The following EHBP1 variants were observed in gnomAD, a reference collection of about 807,000 sequenced individuals.
EHBP1 encodes EH domain-binding protein 1.
A neutral mutation model predicts 144.0 loss-of-function variants in EHBP1; 55 were observed. That is an observed-to-expected ratio of 0.38 (90% CI 0.31 to 0.48). The LOEUF is 0.48. Ranked by LOEUF, EHBP1 falls within the 20% of genes least tolerant of loss-of-function variation. The pLI, the probability that EHBP1 is intolerant of heterozygous loss-of-function variation, is 0.98. For synonymous variants in EHBP1, 469 were observed against 472.7 expected (o/e 0.99, Z 0.10); for missense variants, 1,200 against 1,364.2 (o/e 0.88, Z 1.90).
chr2:62,740,474 A>C (rs2038598958), intron 2 of EHBP1, among the ~76,000 whole-genome samples: 1 of 152,186 alleles, frequency 6.6e-6, no homozygotes, highest in Admixed American at 6.5e-5. Context: ...CTGAAGGATA[A>C]AAATAATTAC....
rs2041196525 is a variant in EHBP1 at position 62,766,444 on chromosome 2, C to T, written c.258+2083C>T. 4.6e-5 allele frequency among the ~76,000 whole-genome samples: 7 copies of T among 152,024 alleles called. No individual in the cohort carries two copies. In the South Asian group the frequency reaches 1.5e-3, roughly 32 times the overall value. ...TTGAGAAACATGGGACCTGAGAGAC[C>T]CAGTAGGGAAATATCAGAGTCCATC... On this transcript the variant is annotated intron_variant, in intron 4 of 22. Coordinates refer to ENST00000431489, the MANE Select transcript of EHBP1 (RefSeq NM_001142616.3).
chr2:62,721,680 TTTCTG>T (rs2036236225), intron 2 of EHBP1, among the ~76,000 whole-genome samples: 1 of 152,206 alleles, frequency 6.6e-6, no homozygotes, highest in South Asian at 2.1e-4. Flanking sequence ...TAATGATAAT[TTTCTG>T]TTTCCTTTAT....
intron 19 of EHBP1, among the ~76,000 whole-genome samples, chr2:63,015,227 T>G (rs1350397499): frequency 1.3e-5 from 2 of 152,188 alleles, no homozygotes; most frequent in Non-Finnish European, 2.9e-5. Flanking sequence ...AAATATTGCC[T>G]CTTAAGATAT....
chr2:63,016,139 A>T (rs561550237), intron 19 of EHBP1, among the ~76,000 whole-genome samples: 1 of 152,354 alleles, frequency 6.6e-6, no homozygotes, highest in African/African-American at 2.4e-5. Flanking sequence ...AATTTTCTAC[A>T]AAGTGAATTT....
At chr2:62,927,548 A>G (rs1000801113) in intron 10 of EHBP1, among the ~76,000 whole-genome samples, 3 of 152,206 alleles carry the variant, frequency 2.0e-5, no homozygotes, top group African/African-American at 4.8e-5. Flanking sequence ...GAAAATTTTC[A>G]ATACATCAAG....
At chr2:62,940,705 C>A (rs1359915189) in intron 10 of EHBP1, among the ~76,000 whole-genome samples, 1 of 151,940 alleles carries the variant, frequency 6.6e-6, no homozygotes, top group Non-Finnish European at 1.5e-5. Flanking sequence ...CCACCGTGAC[C>A]ATTTATAGGG....
chr2:63,014,275 T>G (rs996748028), intron 19 of EHBP1, among the ~76,000 whole-genome samples: 3 of 152,242 alleles, frequency 2.0e-5, no homozygotes, highest in African/African-American at 7.2e-5. Flanking sequence ...GTTATTGATC[T>G]CTAATCTGCC....
chr2:62,826,240 T>A lies in EHBP1; in HGVS notation c.466T>A (p.Cys156Ser). The change falls in exon 6 of 23, where the codon TGC becomes AGC. Residue 156 changes from cysteine (C) to serine (S), a missense_variant. This residue lies in a region of EHBP1 where 137 missense variants were observed against 190.1 expected (regional missense o/e 0.72). Transcript: ENST00000431489. The stretch of plus-strand genomic sequence containing the variant: ...TGCCGCTCTTCAGTTTTCATTATCT[T>A]GCATTTTTCTGAGGGAAGGAAAAGC... ...VSAALQFSLS[C>S]IFLREGKATD... 6.3e-7 allele frequency: 1 copy of A among 1,599,910 alleles called. No individual in the cohort carries two copies. The highest frequency in any genetic ancestry group is 8.5e-7 in the Non-Finnish European group (1 of 1,176,110).
At chr2:62,758,309 ATGC>A (rs2040479105) in intron 3 of EHBP1, among the ~76,000 whole-genome samples, 1 of 152,098 alleles carries the variant, frequency 6.6e-6, no homozygotes, top group East Asian at 1.9e-4. Context: ...GCATTTCACC[ATGC>A]TGGTCAGGCT....
At chr2:62,683,010 A>T (rs1251486739) in intron 1 of EHBP1, among the ~76,000 whole-genome samples, 1 of 152,196 alleles carries the variant, frequency 6.6e-6, no homozygotes, top group African/African-American at 2.4e-5. Context: ...CTATATTAGG[A>T]TGCTTTCAGT....
At chr2:62,806,291 A>G (rs528617822) in intron 5 of EHBP1, among the ~76,000 whole-genome samples, 1 of 151,446 alleles carries the variant, frequency 6.6e-6, no homozygotes, top group African/African-American at 2.4e-5. Flanking sequence ...GCCAGTTACT[A>G]TTTTCTAATT....
At chr2:62,847,882 A>T (rs917098154) in intron 7 of EHBP1, among the ~76,000 whole-genome samples, 1 of 152,190 alleles carries the variant, frequency 6.6e-6, no homozygotes. Flanking sequence ...CACTAGCCAA[A>T]TGGCACATCA....
At chr2:62,781,548 A>G (rs1279382197) in intron 5 of EHBP1, among the ~76,000 whole-genome samples, 1 of 152,190 alleles carries the variant, frequency 6.6e-6, no homozygotes, top group Non-Finnish European at 1.5e-5. Flanking sequence ...TAAAATCCAA[A>G]TGAGAGATTT....
chr2:62,764,226 C>T (rs768725146), intron 3 of EHBP1, 40 bp from the exon 4 acceptor site: 1 of 1,360,572 alleles, frequency 7.3e-7, no homozygotes, highest in East Asian at 2.5e-5. Flanking sequence ...CATTGCATTT[C>T]CCATACTTCA....
intron 7 of EHBP1, among the ~76,000 whole-genome samples, chr2:62,836,250 A>T (rs1233093805): frequency 1.3e-5 from 2 of 152,124 alleles, no homozygotes; most frequent in Non-Finnish European, 2.9e-5. Flanking sequence ...CTCACACAGC[A>T]GGGCATTCCA....
intron 5 of EHBP1, among the ~76,000 whole-genome samples, chr2:62,779,748 A>G (rs1281225284): frequency 1.3e-5 from 2 of 152,204 alleles, no homozygotes; most frequent in Non-Finnish European, 2.9e-5. Flanking sequence ...TTTCATACAA[A>G]TGTAGCAATT....
At chr2:62,740,963 A>G (rs553954708) in intron 2 of EHBP1, among the ~76,000 whole-genome samples, 69 of 152,278 alleles carry the variant, frequency 4.5e-4, no homozygotes, top group African/African-American at 1.6e-3. Context: ...TAGAACATTG[A>G]GGGGTTACTG....
intron 4 of EHBP1, 22 bp downstream of exon 4, chr2:62,764,383 T>A: frequency 6.6e-7 from 1 of 1,506,262 alleles, no homozygotes; most frequent in Non-Finnish European, 8.9e-7. Context: ...TTTTATAGGC[T>A]ATAGAATTTA....
At chr2:62,846,185 C>T (rs1573680212) in intron 7 of EHBP1, among the ~76,000 whole-genome samples, 1 of 152,264 alleles carries the variant, frequency 6.6e-6, no homozygotes, top group East Asian at 1.9e-4. Flanking sequence ...TCTAGCTTCC[C>T]TGACTTCTGA....
Sources: gnomAD v4.1 joint callset for allele counts (sites outside exome capture counted in the v4.1 genomes callset) on GRCh38, gnomAD v4.1.1 for gene constraint, gnomAD v4.1.1 regional missense constraint, MANE v1.5 for transcripts, NCBI Gene and HGNC (gene_info 2026-07-23, HGNC 2026-07-21) for gene names.